ARMH1: variants seen among roughly 807,000 people sequenced by gnomAD.
The protein encoded by ARMH1 is armadillo like helical domain containing 1.
ARMH1 carries 34 observed loss-of-function variants against 50.2 expected under a neutral mutation model. The ratio of observed to expected loss-of-function variants is 0.68; its 90% CI spans 0.51 to 0.90. The LOEUF (loss-of-function observed/expected upper bound fraction) is 0.90, where lower values mean the gene tolerates loss of function less well. ARMH1 is among the 40% of genes least tolerant of loss of function. The pLI is 0.00. For synonymous variants in ARMH1, 221 were observed against 224.2 expected (o/e 0.99, Z 0.13); for missense variants, 538 against 553.9 (o/e 0.97, Z 0.29).
At chr1:44,702,038 G>A (rs747169705) in intron 5 of ARMH1, among the ~76,000 whole-genome samples, 14 of 152,216 alleles carry the variant, frequency 9.2e-5, no homozygotes, top group Non-Finnish European at 1.2e-4. Flanking sequence ...CCAGGAGTTC[G>A]AGGCTGCAAT....
intron 2 of ARMH1, among the ~76,000 whole-genome samples, chr1:44,690,523 T>A (rs924626700): frequency 2.0e-5 from 3 of 152,208 alleles, no homozygotes; most frequent in Non-Finnish European, 4.4e-5. Flanking sequence ...CCTTATTCTT[T>A]CTCTCCTATA....
chr1:44,688,549 C>T (rs1357508213), intron 1 of ARMH1, among the ~76,000 whole-genome samples: 1 of 152,214 alleles, frequency 6.6e-6, no homozygotes, highest in Admixed American at 6.5e-5. Flanking sequence ...GTGAAATACA[C>T]ATCTCTCCTA....
chr1:44,675,531 C>T (rs1024235281), intron 1 of ARMH1, among the ~76,000 whole-genome samples: 1 of 152,004 alleles, frequency 6.6e-6, no homozygotes, highest in African/African-American at 2.4e-5. Context: ...GGCATGGTAG[C>T]GCATGCCTGA....
chr1:44,714,491 A>G (rs899368563), intron 6 of ARMH1, among the ~76,000 whole-genome samples: 13 of 152,012 alleles, frequency 8.6e-5, no homozygotes, highest in Non-Finnish European at 1.8e-4. Flanking sequence ...AGGCTGAGGC[A>G]GGAGAATCCC....
chr1:44,701,026 C>A lies in ARMH1; in HGVS notation c.546C>A (p.Tyr182Ter). 1 of 1,551,704 alleles carries A rather than the reference C, an allele frequency of 6.4e-7. No homozygotes were observed. Among genetic ancestry groups the A allele is most frequent in the Non-Finnish European group, 8.7e-7 (1 of 1,146,996 alleles). The change falls in exon 5 of 12, where the codon TAC becomes TAA. Residue 182 changes from tyrosine (Y) to a stop codon, truncating the protein, a stop_gained. Transcript: ENST00000535358. LOFTEE classifies it high-confidence loss of function. ...LDSLVHGNPK[Y>*]QNQVYKGLIA... ...CTTTGGTCCACGGCAATCCCAAGTA[C>A]CAAAATCAAGTGTATAAAGGTCTAA...
At chr1:44,700,400 G>A (rs968668522) in intron 4 of ARMH1, among the ~76,000 whole-genome samples, 9 of 152,054 alleles carry the variant, frequency 5.9e-5, no homozygotes, top group East Asian at 3.9e-4. Flanking sequence ...GGCGCATCAC[G>A]AGGTCAGGAG....
Position 44,674,728 on chromosome 1 carries a change from G to T in ARMH1, c.-168G>T. The stretch of plus-strand genomic sequence containing the variant: ...CACCCTCTCATGTAGGTGAGAGGCG[G>T]CTGAAGAGTTGCTGTATTCTGGGAA... On this transcript the variant is annotated 5_prime_UTR_variant, in exon 1 of 12. Transcript: ENST00000535358. 1 of 296,066 alleles carries T rather than the reference G, an allele frequency of 3.4e-6. No homozygotes were observed. The highest frequency in any genetic ancestry group is 6.4e-6 in the Non-Finnish European group (1 of 157,478). The allele number at this position is 296,066 out of a possible 1,614,324, so 18.3% of individuals were successfully genotyped here.
chr1:44,697,670 GC>G (rs1158764977), intron 3 of ARMH1, among the ~76,000 whole-genome samples: 7 of 152,068 alleles, frequency 4.6e-5, no homozygotes, highest in Non-Finnish European at 1.0e-4. Flanking sequence ...AAAGTCCCAG[GC>G]TTTGAGCCTC....
intron 2 of ARMH1, among the ~76,000 whole-genome samples, chr1:44,690,177 C>G (rs1489639471): frequency 6.6e-6 from 1 of 152,108 alleles, no homozygotes; most frequent in Non-Finnish European, 1.5e-5. Context: ...GAGATCATGC[C>G]ACTGCACTCC....
At chr1:44,722,679 G>A (rs925581717) in intron 6 of ARMH1, among the ~76,000 whole-genome samples, 1 of 151,896 alleles carries the variant, frequency 6.6e-6, no homozygotes, top group East Asian at 1.9e-4. Flanking sequence ...GGGAGGCAGA[G>A]GTTGCAGTGA....
intron 2 of ARMH1, among the ~76,000 whole-genome samples, chr1:44,693,550 G>A (rs1183026199): frequency 6.6e-6 from 1 of 152,050 alleles, no homozygotes; most frequent in East Asian, 1.9e-4. Flanking sequence ...CCGGGCTTAA[G>A]CCATCCTCCC....
intron 4 of ARMH1, among the ~76,000 whole-genome samples, chr1:44,700,564 C>T (rs59413694): frequency 1.4e-5 from 2 of 145,782 alleles, no homozygotes; most frequent in African/African-American, 5.1e-5. Flanking sequence ...TGCAGTGAGC[C>T]GAGATCGCAC....
In ARMH1 at chr1:44,724,483, G is replaced by A. The variant is rs1287778071; in HGVS notation, c.921-56G>A. On this transcript the variant is annotated intron_variant, in intron 8 of 11. Coordinates refer to ENST00000535358, the MANE Select transcript of ARMH1 (RefSeq NM_001145636.2). The surrounding 1 kb of genome is among the most constrained non-coding windows in gnomAD (Gnocchi z 6.4). Reference sequence around the variant, plus strand: ...GAGCGCTCCGTGCGCCGGGTGGGCGGGGGTGTGCGCCGGGTGAGCCCCAGG... The same window carrying A: ...GAGCGCTCCGTGCGCCGGGTGGGCGAGGGTGTGCGCCGGGTGAGCCCCAGG... The A allele has an allele frequency of 6.6e-7, 1 of 1,514,290 alleles. No homozygotes were observed. Among genetic ancestry groups the A allele is most frequent in the Non-Finnish European group, 8.8e-7 (1 of 1,134,198 alleles). The allele number at this position is 1,514,290 out of a possible 1,614,324, so 93.8% of individuals were successfully genotyped here.
chr1:44,691,906 G>A (rs1037575304), intron 2 of ARMH1, among the ~76,000 whole-genome samples: 3 of 152,200 alleles, frequency 2.0e-5, no homozygotes, highest in Non-Finnish European at 4.4e-5. Context: ...AGTTTGAGAT[G>A]TCTGTGCTCA....
intron 2 of ARMH1, among the ~76,000 whole-genome samples, chr1:44,693,849 G>C (rs917254140): frequency 6.6e-6 from 1 of 152,048 alleles, no homozygotes; most frequent in Non-Finnish European, 1.5e-5. Flanking sequence ...TTTAATTTCA[G>C]ACCCCAAGCA....
In ARMH1 at chr1:44,724,129, G is replaced by A; in HGVS notation, c.732G>A (p.Glu244=). 1 of 1,551,648 alleles carries A rather than the reference G, an allele frequency of 6.4e-7. No homozygotes were observed. The highest frequency in any genetic ancestry group is 8.7e-7 in the Non-Finnish European group (1 of 1,146,922). ...MHLEVQYEAI[E]LIKDLVGYDV... is the part of the protein sequence containing the mutation. The stretch of plus-strand genomic sequence containing the variant: ...ACCTCTGCCCTTCCGCAGCCATCGA[G>A]TTGATCAAAGACCTGGTCGGTTACG... Residue 244 remains glutamate, a synonymous_variant, in exon 7 of 12, where the codon GAG becomes GAA. Coordinates refer to ENST00000535358, the MANE Select transcript of ARMH1 (RefSeq NM_001145636.2). This position sits in a 1 kb window ranked among gnomAD's most constrained non-coding sequence, Gnocchi z 6.4.
chr1:44,704,805 C>T (rs1315556465), intron 6 of ARMH1, among the ~76,000 whole-genome samples: 2 of 151,782 alleles, frequency 1.3e-5, no homozygotes, highest in Non-Finnish European at 2.9e-5. Context: ...AGCCACTGCA[C>T]CCGGCCAGGA....
chr1:44,696,724 G>C (rs1645840118), intron 2 of ARMH1, among the ~76,000 whole-genome samples: 1 of 152,016 alleles, frequency 6.6e-6, no homozygotes, highest in Non-Finnish European at 1.5e-5. Flanking sequence ...CTAAGAATGA[G>C]GCACAAAGTC....
chr1:44,697,008 A>G (rs1490966881), intron 2 of ARMH1, 94 bp from the exon 3 acceptor site: 7 of 907,386 alleles, frequency 7.7e-6, no homozygotes, highest in Non-Finnish European at 1.1e-5. Flanking sequence ...CTACTTGGCC[A>G]CCCTGGGCCC....
Sources: gnomAD v4.1 joint callset for allele counts (sites outside exome capture counted in the v4.1 genomes callset) on GRCh38, gnomAD v4.1.1 for gene constraint, Gnocchi (gnomAD v3.1) non-coding constraint, MANE v1.5 for transcripts, NCBI Gene and HGNC (gene_info 2026-07-23, HGNC 2026-07-21) for gene names.